The following FOXF2 variants were observed in gnomAD, a reference collection of about 807,000 sequenced individuals.
FOXF2 encodes forkhead box protein F2.
In FOXF2, 15 loss-of-function variants were observed where a neutral mutation model predicts 29.1. The observed-to-expected ratio is 0.52, with a 90% CI of 0.35 to 0.79. FOXF2 has a LOEUF of 0.79. FOXF2 is among the 30% of genes least tolerant of loss of function. The pLI is 0.01. For synonymous variants in FOXF2, 337 were observed against 316.5 expected (o/e 1.06, Z -0.69); for missense variants, 675 against 667.1 (o/e 1.01, Z -0.13).
chr6:1,390,268 G>C lies in FOXF2; in HGVS notation c.321G>C (p.Ala107=), dbSNP rs994904732. The C allele has an allele frequency of 6.2e-7, 1 of 1,611,644 alleles. No individual in the cohort carries two copies. Among genetic ancestry groups the C allele is most frequent in the Non-Finnish European group, 8.5e-7 (1 of 1,179,710 alleles). The change falls in exon 1 of 2, where the codon GCG becomes GCC. Residue 107 remains alanine, a synonymous_variant. Transcript: ENST00000645481. The surrounding 1 kb of genome is among the most constrained non-coding windows in gnomAD (Gnocchi z 8.5). ...AGAAGCCGCCCTACTCGTACATCGC[G>C]CTCATCGTCATGGCCATCCAGAGCT... ...RPEKPPYSYI[A]LIVMAIQSSP...
chr6:1,393,883 GC>G (rs1345872989), intron 1 of FOXF2, among the ~76,000 whole-genome samples: 9 of 152,336 alleles, frequency 5.9e-5, no homozygotes, highest in African/African-American at 2.2e-4. Flanking sequence ...AAAGCCGGCG[GC>G]GGGTGGAGGT....
Position 1,390,823 on chromosome 6 carries a change from G to T in FOXF2, c.876G>T (p.Ala292=). 7.2e-7 allele frequency: 1 copy of T among 1,387,912 alleles called. No homozygotes were observed. Among genetic ancestry groups the T allele is most frequent in the African/African-American group, 1.5e-5 (1 of 64,924 alleles). 86.0% of individuals were successfully genotyped at this position (1,387,912 alleles called of 1,614,324 possible). Residue 292 remains alanine, a synonymous_variant, in exon 1 of 2, where the codon GCG becomes GCT. Transcript: ENST00000645481. The surrounding 1 kb of genome is among the most constrained non-coding windows in gnomAD (Gnocchi z 8.5). ...ACATGGCCAGCTGCCCGGTGCCCGC[G>T]GGACCCGGGGGCGTCGGTGCGGCCG... ...STYMASCPVP[A]GPGGVGAAGG...
chr6:1,390,109 C>G lies in FOXF2; in HGVS notation c.162C>G (p.Ala54=), dbSNP rs1758746531. ...TTSSSSSSSS[A]SCASSSSSSN... Reference sequence around the variant, plus strand: ...CCTCCTCCTCGTCGTCGTCCTCCGCCTCCTGCGCCTCGTCCTCGTCCTCCT... The same window carrying G: ...CCTCCTCCTCGTCGTCGTCCTCCGCGTCCTGCGCCTCGTCCTCGTCCTCCT... Residue 54 remains alanine (A), a synonymous_variant, in exon 1 of 2, where the codon GCC becomes GCG. Coordinates refer to ENST00000645481, the MANE Select transcript of FOXF2 (RefSeq NM_001452.2). This position sits in a 1 kb window ranked among gnomAD's most constrained non-coding sequence, Gnocchi z 8.5. 1.4e-6 allele frequency: 2 copies of G among 1,433,714 alleles called. No individual in the cohort carries two copies. Among genetic ancestry groups the G allele is most frequent in the African/African-American group, 3.0e-5 (2 of 67,112 alleles). 88.8% of individuals were successfully genotyped at this position (1,433,714 alleles called of 1,614,324 possible).
chr6:1,391,048 G>T lies in FOXF2; in HGVS notation c.1101G>T (p.Leu367=), dbSNP rs774707675. Residue 367 remains leucine (L), a synonymous_variant, in exon 1 of 2, where the codon CTG becomes CTT. Transcript: ENST00000645481. The part of the protein sequence containing the change: ...PSSNPAASAG[L]HSSMSSYSLE... Reference sequence around the variant, plus strand: ...GCAACCCCGCCGCCTCGGCAGGCCTGCACTCCAGCATGTCCTCCTACTCGC... The same window carrying T: ...GCAACCCCGCCGCCTCGGCAGGCCTTCACTCCAGCATGTCCTCCTACTCGC... 7.5e-6 allele frequency: 12 copies of T among 1,601,986 alleles called. No homozygotes were observed. The East Asian group carries it at 2.2e-4, about 30-fold the overall frequency.
At chr6:1,391,267 C>A in intron 1 of FOXF2, 149 bp downstream of exon 1, 1 of 1,416,006 alleles carries the variant, frequency 7.1e-7, no homozygotes, top group South Asian at 1.3e-5. Flanking sequence ...AAGCCGGCAT[C>A]TTATTCGTGG....
At position 1,392,434 on chromosome 6, in the gene FOXF2, TCACACACA is replaced by T. The variant is rs71738664; in HGVS notation, c.1171+1352_1171+1359del. Among the ~76,000 whole-genome samples, 171 of 107,768 alleles carry T rather than the reference TCACACACA, an allele frequency of 1.6e-3. 1 individual carries two copies. The highest frequency in any genetic ancestry group is 5.1e-3 in the South Asian group (14 of 2,770). 70.7% of individuals were successfully genotyped at this position (107,768 alleles called of 152,430 possible). On this transcript the variant is annotated intron_variant, in intron 1 of 1. Coordinates refer to ENST00000645481, the MANE Select transcript of FOXF2 (RefSeq NM_001452.2). The stretch of plus-strand genomic sequence containing the variant: ...TGTATTCCCTTGGACCGGCTGTCAA[TCACACACA>T]CACACACACACACACACACACACAC...
intron 1 of FOXF2, among the ~76,000 whole-genome samples, chr6:1,392,796 C>T (rs1250626365): frequency 6.6e-6 from 1 of 152,226 alleles, no homozygotes; most frequent in Non-Finnish European, 1.5e-5. Flanking sequence ...AGCAAGCCGG[C>T]CTCTGTGCCC....
chr6:1,390,562 C>T lies in FOXF2; in HGVS notation c.615C>T (p.Pro205=). 1 of 1,604,298 alleles carries T rather than the reference C, an allele frequency of 6.2e-7. No individual in the cohort carries two copies. Among genetic ancestry groups the T allele is most frequent in the Non-Finnish European group, 8.5e-7 (1 of 1,177,966 alleles). The change falls in exon 1 of 2, where the codon CCC becomes CCT. Residue 205 remains proline, a synonymous_variant. Transcript: ENST00000645481. This position sits in a 1 kb window ranked among gnomAD's most constrained non-coding sequence, Gnocchi z 8.5. ...GGCGGAAGTGCCAGGCGCTCAAGCCCATGTACCACCGCGTGGTGAGCGGCT... is the reference window on the plus strand; with the variant it reads ...GGCGGAAGTGCCAGGCGCTCAAGCCTATGTACCACCGCGTGGTGAGCGGCT... ...GFRRKCQALK[P]MYHRVVSGLG...
chr6:1,390,018 A>T lies in FOXF2; in HGVS notation c.71A>T (p.Gln24Leu), dbSNP rs1751091052. 2 of 1,251,106 alleles carry T rather than the reference A, an allele frequency of 1.6e-6. No homozygotes were observed. Among genetic ancestry groups the T allele is most frequent in the Non-Finnish European group, 2.0e-6 (2 of 995,340 alleles). 77.5% of individuals were successfully genotyped at this position (1,251,106 alleles called of 1,614,324 possible). A position where few individuals can be genotyped will look rare whatever the true frequency, so the allele number is the denominator to read the frequency against. ...RACSPVPGAL[Q>L]AALMSPPPAA... ...TGCAGCCCGGTCCCCGGCGCGCTCC[A>T]GGCCGCCCTGATGAGCCCGCCGCCC... The change falls in exon 1 of 2, where the codon CAG (glutamine) becomes CTG (leucine). Residue 24 changes from glutamine to leucine, a missense_variant. Physicochemically the swap from Gln to Leu is moderately radical, Grantham distance 113. Around this residue, in one of 3 missense-constraint regions of FOXF2, gnomAD observed 220 missense variants for 205.5 expected, o/e 1.07. Transcript: ENST00000645481. The surrounding 1 kb of genome is among the most constrained non-coding windows in gnomAD (Gnocchi z 8.5).
In FOXF2 at chr6:1,389,911, C is replaced by T; in HGVS notation, c.-37C>T. 3.6e-6 allele frequency: 3 copies of T among 830,506 alleles called. No individual in the cohort carries two copies. The highest frequency in any genetic ancestry group is 4.3e-6 in the Non-Finnish European group (3 of 689,838). The allele number at this position is 830,506 out of a possible 1,614,324, so 51.4% of individuals were successfully genotyped here. On this transcript the variant is annotated 5_prime_UTR_variant, in exon 1 of 2. Transcript: ENST00000645481. ...CGGCGCCTCCGCTTCCCGCCCGGGG[C>T]CCGCCCTCGCGGCCCGGCCTCGCTC...
intron 1 of FOXF2, 77 bp downstream of exon 1, chr6:1,391,195 C>A: frequency 6.4e-7 from 1 of 1,574,490 alleles, no homozygotes; most frequent in Non-Finnish European, 8.6e-7. Context: ...ACTGCCACTC[C>A]CACAAACAGG....
Position 1,390,021 on chromosome 6 carries a change from C to T in FOXF2, c.74C>T (p.Ala25Val). 7.9e-7 allele frequency: 1 copy of T among 1,273,262 alleles called. No individual in the cohort carries two copies. The highest frequency in any genetic ancestry group is 9.9e-7 in the Non-Finnish European group (1 of 1,005,918). 78.9% of individuals were successfully genotyped at this position (1,273,262 alleles called of 1,614,324 possible). A position where few individuals can be genotyped will look rare whatever the true frequency, so the allele number is the denominator to read the frequency against. The part of the protein sequence containing the change: ...ACSPVPGALQ[A>V]ALMSPPPAAA... Reference sequence around the variant, plus strand: ...AGCCCGGTCCCCGGCGCGCTCCAGGCCGCCCTGATGAGCCCGCCGCCCGCC... The same window carrying T: ...AGCCCGGTCCCCGGCGCGCTCCAGGTCGCCCTGATGAGCCCGCCGCCCGCC... Residue 25 changes from alanine (A) to valine (V), a missense_variant, in exon 1 of 2, where the codon GCC becomes GTC. Coordinates refer to ENST00000645481, the MANE Select transcript of FOXF2 (RefSeq NM_001452.2). This position sits in a 1 kb window ranked among gnomAD's most constrained non-coding sequence, Gnocchi z 8.5.
chr6:1,390,775 G>A lies in FOXF2; in HGVS notation c.828G>A (p.Met276Ile), dbSNP rs1243938081. Residue 276 changes from methionine (M) to isoleucine (I), a missense_variant, in exon 1 of 2, where the codon ATG becomes ATA. Around this residue, in one of 3 missense-constraint regions of FOXF2, gnomAD observed 451 missense variants for 437.2 expected, o/e 1.03. Coordinates refer to ENST00000645481, the MANE Select transcript of FOXF2 (RefSeq NM_001452.2). The surrounding 1 kb of genome is among the most constrained non-coding windows in gnomAD (Gnocchi z 8.5). ...ACCACCACCACCACGTCCCGCACATGTCGCCCAACCCGGGTTCCACCTACA... is the reference window on the plus strand; with the variant it reads ...ACCACCACCACCACGTCCCGCACATATCGCCCAACCCGGGTTCCACCTACA... The part of the protein sequence containing the change: ...HHHHHHHVPH[M>I]SPNPGSTYMA... The A allele has an allele frequency of 1.4e-6, 2 of 1,392,966 alleles. No individual in the cohort carries two copies. The highest frequency in any genetic ancestry group is 1.8e-6 in the Non-Finnish European group (2 of 1,084,724). The allele number at this position is 1,392,966 out of a possible 1,614,324, so 86.3% of individuals were successfully genotyped here. A position where few individuals can be genotyped will look rare whatever the true frequency, so the allele number is the denominator to read the frequency against.
intron 1 of FOXF2, among the ~76,000 whole-genome samples, chr6:1,392,434 T>TCTCACACACACACACACACACACA (rs1554124328): frequency 1.9e-5 from 2 of 107,676 alleles, no homozygotes; most frequent in Admixed American, 9.7e-5. Flanking sequence ...CGGCTGTCAA[T>TCTCACACACACACACACACACACA]CACACACACA....
At chr6:1,393,606 C>T (rs1452578814) in intron 1 of FOXF2, among the ~76,000 whole-genome samples, 1 of 152,090 alleles carries the variant, frequency 6.6e-6, no homozygotes, top group African/African-American at 2.4e-5. Flanking sequence ...TGCGGGGACA[C>T]GGCGGGGCTG....
In FOXF2 at chr6:1,389,973, C is replaced by G; in HGVS notation, c.26C>G (p.Pro9Arg). 1 of 1,003,070 alleles carries G rather than the reference C, an allele frequency of 1.0e-6. No individual in the cohort carries two copies. Among genetic ancestry groups the G allele is most frequent in the Non-Finnish European group, 1.2e-6 (1 of 842,998 alleles). The allele number at this position is 1,003,070 out of a possible 1,614,324, so 62.1% of individuals were successfully genotyped here. The change falls in exon 1 of 2, where the codon CCG becomes CGG. Residue 9 changes from proline to arginine, a missense_variant. Physicochemically the swap from Pro to Arg is moderately radical, Grantham distance 103. Transcript: ENST00000645481. ...ATGACCACCGAGGGCGGGCCGCCGC[C>G]GGCCCCGCTCCGCCGCGCGTGCAGC... is the stretch of plus-strand genomic sequence containing the variant. The part of the protein sequence containing the change: MTTEGGPP[P>R]APLRRACSPV...
chr6:1,392,867 T>TC (rs935832336), intron 1 of FOXF2, among the ~76,000 whole-genome samples: 20 of 152,118 alleles, frequency 1.3e-4, no homozygotes, highest in Admixed American at 1.2e-3. Context: ...CCCGACCGAG[T>TC]CTGGGAACGC....
rs1265361290 is a variant in FOXF2 at position 1,389,683 on chromosome 6, C to T, written c.-265C>T. 1.3e-5 allele frequency: 2 copies of T among 150,560 alleles called. No homozygotes were observed. The highest frequency in any genetic ancestry group is 2.4e-5 in the African/African-American group (1 of 41,164). 9.3% of individuals were successfully genotyped at this position (150,560 alleles called of 1,614,324 possible). A position where few individuals can be genotyped will look rare whatever the true frequency, so the allele number is the denominator to read the frequency against. ...CGGCGCCGGCCGCTCGGCCCCGCGG[C>T]CTGGGAGGCCGTTGCGCAAGGCAGG... On this transcript the variant is annotated 5_prime_UTR_variant, in exon 1 of 2. Coordinates refer to ENST00000645481, the MANE Select transcript of FOXF2 (RefSeq NM_001452.2).
chr6:1,392,161 G>A (rs939792312), intron 1 of FOXF2, among the ~76,000 whole-genome samples: 2 of 152,160 alleles, frequency 1.3e-5, no homozygotes, highest in African/African-American at 4.8e-5. Flanking sequence ...GAGCCGGTGT[G>A]CAGCGGGAGC....
Sources: allele counts gnomAD v4.1 joint callset (sites outside exome capture counted in the v4.1 genomes callset), GRCh38; gene constraint gnomAD v4.1.1; regional missense constraint gnomAD v4.1.1; non-coding constraint Gnocchi (gnomAD v3.1); transcripts MANE v1.5; gene names NCBI Gene and HGNC (gene_info 2026-07-23, HGNC 2026-07-21).